The following ZNF597 variants were observed in gnomAD, a reference collection of about 807,000 sequenced individuals.
ZNF597 encodes zinc finger protein 597.
A neutral mutation model predicts 7.3 loss-of-function variants in ZNF597; 5 were observed. That is an observed-to-expected ratio of 0.68 (90% CI 0.36 to 1.44). The LOEUF (loss-of-function observed/expected upper bound fraction) is 1.44. ZNF597 is among the 40% of genes most tolerant of loss of function. ZNF597 has a pLI of 0.04. For synonymous variants in ZNF597, 209 were observed against 185.4 expected, an observed-to-expected ratio of 1.13 and a Z score of -1.04; for missense variants, 585 against 517.9, an observed-to-expected ratio of 1.13 and a Z score of -1.26.
chr16:3,440,261 A>G (rs1297815434), intron 3 of ZNF597, among the ~76,000 whole-genome samples: 2 of 152,330 alleles, frequency 1.3e-5, no homozygotes, highest in East Asian at 1.9e-4. Context: ...AACTGCAACA[A>G]ATGTTTGTGA....
chr16:3,441,045 G>A, intron 2 of ZNF597, 112 bp from the exon 3 acceptor site: 1 of 1,452,022 alleles, frequency 6.9e-7, no homozygotes, highest in Non-Finnish European at 9.2e-7. Context: ...AAAAGGCTCG[G>A]TGTAAAAGGT....
Position 3,440,866 on chromosome 16 carries a change from G to T in ZNF597, c.101C>A (p.Ala34Asp). The T allele has an allele frequency of 6.2e-7, 1 of 1,614,052 alleles. No homozygotes were observed. Among genetic ancestry groups the T allele is most frequent in the Non-Finnish European group, 8.5e-7 (1 of 1,179,964 alleles). The change falls in exon 3 of 4, where the codon GCC becomes GAC. Residue 34 changes from alanine (A) to aspartate (D), a missense_variant. Transcript: ENST00000301744. ...SQEECVTLHP[A>D]QRSLSKDGTK... ...ACCATCTTTGCTGAGGGACCTCTGG[G>T]CAGGGTGCAGAGTCACGCACTCCTC...
chr16:3,441,006 A>G, intron 2 of ZNF597, 73 bp from the exon 3 acceptor site: 1 of 1,552,266 alleles, frequency 6.4e-7, no homozygotes, highest in East Asian at 2.3e-5. Context: ...GAAGGATGAA[A>G]AGAGCTAGAA....
Position 3,436,641 on chromosome 16 carries a change from A to G in ZNF597, c.1058T>C (p.Phe353Ser). The G allele has an allele frequency of 6.2e-7, 1 of 1,608,902 alleles. No individual in the cohort carries two copies. The highest frequency in any genetic ancestry group is 8.5e-7 in the Non-Finnish European group (1 of 1,177,154). Residue 353 changes from phenylalanine (F) to serine (S), a missense_variant, in exon 4 of 4, where the codon TTC becomes TCC. Physicochemically the swap from Phe to Ser is radical, Grantham distance 155. Transcript: ENST00000301744. ...CPDCDMTFPC[F>S]SELISHQNIH... The stretch of plus-strand genomic sequence containing the variant: ...GTTCTGATGGGAAATAAGCTCAGAG[A>G]AACAAGGAAAGGTCATGTCACAGTC...
chr16:3,443,040 C>A, intron 2 of ZNF597, 81 bp downstream of exon 2: 2 of 1,567,404 alleles, frequency 1.3e-6, no homozygotes, highest in African/African-American at 1.4e-5. Context: ...AACAGGCATG[C>A]CCAACTCTCC....
At chr16:3,438,555 T>A (rs2034329808) in intron 3 of ZNF597, among the ~76,000 whole-genome samples, 1 of 150,684 alleles carries the variant, frequency 6.6e-6, no homozygotes, top group African/African-American at 2.4e-5. Context: ...AGAGCAAGAC[T>A]CTGTCTCAAA....
chr16:3,439,857 T>C (rs8061444), intron 3 of ZNF597, among the ~76,000 whole-genome samples: 69,668 of 151,892 alleles, frequency 0.46, 18,228 homozygotes, highest in East Asian at 0.63. Flanking sequence ...AGAAATGACA[T>C]CAATGTTAAA....
At chr16:3,442,889 C>G (rs2034411178) in intron 2 of ZNF597, among the ~76,000 whole-genome samples, 1 of 152,160 alleles carries the variant, frequency 6.6e-6, no homozygotes, top group South Asian at 2.1e-4. Flanking sequence ...TTGAGAAACT[C>G]TCTCAGAGAT....
intron 2 of ZNF597, among the ~76,000 whole-genome samples, chr16:3,441,977 C>CAAAAAAAAAAA: frequency 1.1e-5 from 1 of 91,490 alleles, no homozygotes; most frequent in Non-Finnish European, 2.2e-5. Context: ...GAGACTGTCT[C>CAAAAAAAAAAA]AAAAAAAAAA....
In ZNF597 at chr16:3,433,091, G is replaced by A. The variant is rs1248233389; in HGVS notation, c.*3333C>T. 1 of 152,144 alleles carries A rather than the reference G, an allele frequency of 6.6e-6. No individual in the cohort carries two copies. Among genetic ancestry groups the A allele is most frequent in the Non-Finnish European group, 1.5e-5 (1 of 68,028 alleles). 9.4% of individuals were successfully genotyped at this position (152,144 alleles called of 1,614,324 possible). On this transcript the variant is annotated 3_prime_UTR_variant, in exon 4 of 4. Transcript: ENST00000301744. ...GAGGCAAAGACTCAAAATGGCATTT[G>A]CTGTGAAATGTCATTTGAGTTTTAA...
In ZNF597 at chr16:3,440,943, A is replaced by G. The variant is rs373855901; in HGVS notation, c.34-10T>C. Reference sequence around the variant, plus strand: ...CAAAGAGTATTGGTCCCTGAAACACAAGAGCCTGTGTCAGCACAAGAGGGT... The same window carrying G: ...CAAAGAGTATTGGTCCCTGAAACACGAGAGCCTGTGTCAGCACAAGAGGGT... On this transcript the variant is annotated splice_polypyrimidine_tract_variant and intron_variant, in intron 2 of 3. Coordinates refer to ENST00000301744, the MANE Select transcript of ZNF597 (RefSeq NM_152457.3). 5.0e-5 allele frequency: 81 copies of G among 1,611,912 alleles called. No individual in the cohort carries two copies. Among genetic ancestry groups the G allele is most frequent in the Non-Finnish European group, 6.9e-5 (81 of 1,179,090 alleles).
intron 3 of ZNF597, 39 bp downstream of exon 3, chr16:3,440,768 T>A: frequency 6.2e-7 from 1 of 1,610,848 alleles, no homozygotes; most frequent in African/African-American, 1.3e-5. Context: ...CTCCTAGAAT[T>A]GACAAAAGTT....
rs2034291411 is a variant in ZNF597 at position 3,435,526 on chromosome 16, C to G, written c.*898G>C. 6.6e-6 allele frequency: 1 copy of G among 151,712 alleles called. No individual in the cohort carries two copies. The highest frequency in any genetic ancestry group is 1.5e-5 in the Non-Finnish European group (1 of 67,960). The allele number at this position is 151,712 out of a possible 1,614,324, so 9.4% of individuals were successfully genotyped here. ...TGCTGGGCAAAGAACTGACTTTACC[C>G]TCTGAGGACTTCAGTTTCCTCGTTT... On this transcript the variant is annotated 3_prime_UTR_variant, in exon 4 of 4. Coordinates refer to ENST00000301744, the MANE Select transcript of ZNF597 (RefSeq NM_152457.3).
chr16:3,438,127 G>A (rs2034324109), intron 3 of ZNF597, among the ~76,000 whole-genome samples: 1 of 151,608 alleles, frequency 6.6e-6, no homozygotes, highest in Non-Finnish European at 1.5e-5. Context: ...AGATACTCAG[G>A]AGGCTGAGAC....
chr16:3,440,652 C>T (rs1035516510), intron 3 of ZNF597, among the ~76,000 whole-genome samples, 155 bp downstream of exon 3: 24 of 152,078 alleles, frequency 1.6e-4, no homozygotes, highest in African/African-American at 5.3e-4. Flanking sequence ...AAAATCATCT[C>T]ATATTTTAAA....
chr16:3,433,874 C>A lies in ZNF597; in HGVS notation c.*2550G>T, dbSNP rs963104668. 1.3e-5 allele frequency: 2 copies of A among 152,048 alleles called. No individual in the cohort carries two copies. The highest frequency in any genetic ancestry group is 2.4e-5 in the African/African-American group (1 of 41,400). 9.4% of individuals were successfully genotyped at this position (152,048 alleles called of 1,614,324 possible). On this transcript the variant is annotated 3_prime_UTR_variant, in exon 4 of 4. Coordinates refer to ENST00000301744, the MANE Select transcript of ZNF597 (RefSeq NM_152457.3). ...CATTAACAGTATTATACCAAAAAGC[C>A]ATTTTAGTTCTACCCACACGTATGT... is the stretch of plus-strand genomic sequence containing the variant.
In ZNF597 at chr16:3,435,861, G is replaced by A. The variant is rs1252640447; in HGVS notation, c.*563C>T. The A allele has an allele frequency of 6.6e-6, 1 of 152,592 alleles. No individual in the cohort carries two copies. Among genetic ancestry groups the A allele is most frequent in the Non-Finnish European group, 1.5e-5 (1 of 68,470 alleles). The allele number at this position is 152,592 out of a possible 1,614,324, so 9.5% of individuals were successfully genotyped here. A position where few individuals can be genotyped will look rare whatever the true frequency, so the allele number is the denominator to read the frequency against. On this transcript the variant is annotated 3_prime_UTR_variant, in exon 4 of 4. Transcript: ENST00000301744. ...TGACAGAGAACTCCGGATACTAATGGCCATCAAAATATAAACTAGTCTACC... is the reference window on the plus strand; with the variant it reads ...TGACAGAGAACTCCGGATACTAATGACCATCAAAATATAAACTAGTCTACC...
chr16:3,433,028 T>G lies in ZNF597; in HGVS notation c.*3396A>C, dbSNP rs2034269568. 1 of 152,216 alleles carries G rather than the reference T, an allele frequency of 6.6e-6. No homozygotes were observed. 9.4% of individuals were successfully genotyped at this position (152,216 alleles called of 1,614,324 possible). A position where few individuals can be genotyped will look rare whatever the true frequency, so the allele number is the denominator to read the frequency against. On this transcript the variant is annotated 3_prime_UTR_variant, in exon 4 of 4. Transcript: ENST00000301744. ...GATTGTATGACATCTTATGCTGCAGTCACTAGAACATTGCCACTTAATTAT... is the reference window on the plus strand; with the variant it reads ...GATTGTATGACATCTTATGCTGCAGGCACTAGAACATTGCCACTTAATTAT...
chr16:3,443,008 G>A, intron 2 of ZNF597, 113 bp downstream of exon 2: 1 of 1,288,864 alleles, frequency 7.8e-7, no homozygotes, highest in Non-Finnish European at 1.1e-6. Flanking sequence ...GGCTATTTGG[G>A]GCTCAGGAGC....
Sources: gnomAD v4.1 joint callset for allele counts (sites outside exome capture counted in the v4.1 genomes callset) on GRCh38, gnomAD v4.1.1 for gene constraint, MANE v1.5 for transcripts, NCBI Gene and HGNC (gene_info 2026-07-23, HGNC 2026-07-21) for gene names.